Variants in LRCH1 observed in about 807,000 individuals in gnomAD.
The protein encoded by LRCH1 is leucine-rich repeat and calponin homology domain-containing protein 1.
In LRCH1, 23 loss-of-function variants were observed where a neutral mutation model predicts 94.9. The observed-to-expected ratio is 0.24, with a 90% CI of 0.17 to 0.34. The LOEUF (loss-of-function observed/expected upper bound fraction) is 0.34. LRCH1 is among the 10% of genes least tolerant of loss of function. LRCH1 has a pLI of 1.00. For missense variants in LRCH1, 790 were observed against 945.9 expected (o/e 0.84, Z 2.16); for synonymous variants, 364 against 354.9 (o/e 1.03, Z -0.29).
intron 1 of LRCH1, among the ~76,000 whole-genome samples, chr13:46,581,459 G>A (rs2050363826): frequency 6.6e-6 from 1 of 152,150 alleles, no homozygotes; most frequent in African/African-American, 2.4e-5. Context: ...AAAGAGAGAG[G>A]TACAGTAAGA....
chr13:46,650,885 A>G (rs1227801774), intron 2 of LRCH1, among the ~76,000 whole-genome samples: 2 of 152,230 alleles, frequency 1.3e-5, no homozygotes, highest in Non-Finnish European at 2.9e-5. Flanking sequence ...TTTGCTATCT[A>G]TCTTTACATC....
At chr13:46,590,294 CTCTT>C (rs2137960656) in intron 1 of LRCH1, among the ~76,000 whole-genome samples, 1 of 152,270 alleles carries the variant, frequency 6.6e-6, no homozygotes, top group East Asian at 1.9e-4. Context: ...TTCACCCTAT[CTCTT>C]TCTATCTCCT....
intron 1 of LRCH1, among the ~76,000 whole-genome samples, chr13:46,641,653 T>C (rs559408653): frequency 6.6e-6 from 1 of 152,338 alleles, no homozygotes; most frequent in South Asian, 2.1e-4. Flanking sequence ...TGTCCTGGTC[T>C]GTCGGCATGG....
At chr13:46,679,419 A>G (rs1456529984) in intron 3 of LRCH1, among the ~76,000 whole-genome samples, 5 of 152,200 alleles carry the variant, frequency 3.3e-5, no homozygotes, top group African/African-American at 4.8e-5. Context: ...AAAAGATGGC[A>G]TTTCACTGTT....
chr13:46,692,706 C>A (rs1870966351), intron 8 of LRCH1, 65 bp downstream of exon 8: 2 of 1,207,630 alleles, frequency 1.7e-6, no homozygotes, highest in Non-Finnish European at 2.4e-6. Context: ...TTTAAAATAA[C>A]CTGTGCACAG....
chr13:46,740,803 A>G (rs1373971585), intron 19 of LRCH1, among the ~76,000 whole-genome samples: 1 of 152,220 alleles, frequency 6.6e-6, no homozygotes, highest in Non-Finnish European at 1.5e-5. Flanking sequence ...TAGGCTGCTG[A>G]AAGTCAACGC....
At chr13:46,723,070 C>G (rs1872657228) in intron 16 of LRCH1, 151 bp from the exon 17 acceptor site, 6 of 524,318 alleles carry the variant, frequency 1.1e-5, no homozygotes. Flanking sequence ...AATACTTGAG[C>G]CAGGCTTTTC....
intron 1 of LRCH1, among the ~76,000 whole-genome samples, chr13:46,602,955 C>T (rs2050644155): frequency 8.7e-6 from 1 of 114,452 alleles, no homozygotes; most frequent in Non-Finnish European, 1.8e-5. Context: ...TCAACAAATA[C>T]ATACATGCAT....
intron 1 of LRCH1, among the ~76,000 whole-genome samples, chr13:46,566,726 G>T (rs1279829677): frequency 1.3e-5 from 2 of 152,206 alleles, no homozygotes; most frequent in African/African-American, 4.8e-5. Flanking sequence ...TTTTGCAGAT[G>T]AGAATCAAGC....
At chr13:46,642,623 C>T (rs1351240479) in intron 1 of LRCH1, among the ~76,000 whole-genome samples, 5 of 152,220 alleles carry the variant, frequency 3.3e-5, no homozygotes, top group African/African-American at 1.2e-4. Flanking sequence ...GAGTAAGGAT[C>T]TAACCTAGCA....
At chr13:46,676,446 C>T (rs760494575) in intron 3 of LRCH1, among the ~76,000 whole-genome samples, 1 of 152,054 alleles carries the variant, frequency 6.6e-6, no homozygotes, top group Non-Finnish European at 1.5e-5. Flanking sequence ...TAATCCTTAC[C>T]TGTTCTTTTG....
intron 2 of LRCH1, among the ~76,000 whole-genome samples, chr13:46,658,352 A>G (rs1199366727): frequency 3.9e-5 from 6 of 152,174 alleles, no homozygotes; most frequent in South Asian, 4.1e-4. Flanking sequence ...TTTTAAGTCC[A>G]CAATTTCCCT....
chr13:46,666,357 C>T (rs1214861690), intron 2 of LRCH1, among the ~76,000 whole-genome samples: 1 of 152,200 alleles, frequency 6.6e-6, no homozygotes, highest in Non-Finnish European at 1.5e-5. Flanking sequence ...ATCTCAAATA[C>T]TCACGCATCT....
At chr13:46,675,599 A>C (rs2051661089) in intron 3 of LRCH1, among the ~76,000 whole-genome samples, 1 of 152,014 alleles carries the variant, frequency 6.6e-6, no homozygotes, top group South Asian at 2.1e-4. Flanking sequence ...GGATTCAAAG[A>C]TTGATTATTG....
At chr13:46,584,041 T>A (rs2050403561) in intron 1 of LRCH1, among the ~76,000 whole-genome samples, 1 of 152,054 alleles carries the variant, frequency 6.6e-6, no homozygotes, top group African/African-American at 2.4e-5. Context: ...GTTTTAGAGG[T>A]GGTATTTTAT....
intron 17 of LRCH1, among the ~76,000 whole-genome samples, chr13:46,723,563 G>T (rs1463038694): frequency 1.3e-5 from 2 of 152,178 alleles, no homozygotes; most frequent in Non-Finnish European, 2.9e-5. Flanking sequence ...AACTTTAGGA[G>T]GTAGAGGCAG....
intron 1 of LRCH1, among the ~76,000 whole-genome samples, chr13:46,606,241 C>T (rs1318172970): frequency 4.6e-5 from 7 of 151,812 alleles, no homozygotes; most frequent in African/African-American, 1.5e-4. Flanking sequence ...GAACACAGTT[C>T]GACCTTTTTT....
chr13:46,593,516 A>G (rs2137966792), intron 1 of LRCH1, among the ~76,000 whole-genome samples: 1 of 152,322 alleles, frequency 6.6e-6, no homozygotes, highest in East Asian at 1.9e-4. Context: ...ACTTTAGTGA[A>G]ACGTCACCAC....
intron 1 of LRCH1, among the ~76,000 whole-genome samples, chr13:46,637,897 A>T (rs578088035): frequency 4.2e-4 from 64 of 152,374 alleles, no homozygotes; most frequent in African/African-American, 1.5e-3. Context: ...GTAGGTACAC[A>T]GCAAGTATTC....
Sources: allele counts gnomAD v4.1 joint callset (sites outside exome capture counted in the v4.1 genomes callset), GRCh38; gene constraint gnomAD v4.1.1; transcripts MANE v1.5; gene names NCBI Gene and HGNC (gene_info 2026-07-23, HGNC 2026-07-21).